Variants in ARHGAP26 observed in about 807,000 individuals in gnomAD.
The protein encoded by ARHGAP26 is Rho GTPase activating protein 26.
In ARHGAP26, 38 loss-of-function variants were observed where a neutral mutation model predicts 104.8. That is an observed-to-expected ratio of 0.36 (90% CI 0.28 to 0.48). ARHGAP26 has a LOEUF of 0.48. Among genes scored for constraint, ARHGAP26 ranks in the 20% least tolerant of loss-of-function variants. The pLI is 0.99. For missense variants in ARHGAP26, 704 were observed against 947.9 expected (o/e 0.74, Z 3.38); for synonymous variants, 341 against 340.0 (o/e 1.00, Z -0.03).
chr5:142,886,720 AT>A (rs1330014923), intron 5 of ARHGAP26, among the ~76,000 whole-genome samples: 2 of 152,232 alleles, frequency 1.3e-5, no homozygotes, highest in East Asian at 1.9e-4. Context: ...AACCTAAAAA[AT>A]AAAAAAAAAA....
At chr5:142,804,515 C>T (rs187326513) in intron 1 of ARHGAP26, among the ~76,000 whole-genome samples, 198 of 151,944 alleles carry the variant, frequency 1.3e-3, no homozygotes, top group African/African-American at 3.7e-3. Context: ...TTTTTGAGAC[C>T]GAGTCTCACT....
chr5:143,036,741 C>G (rs1382236757), intron 12 of ARHGAP26, among the ~76,000 whole-genome samples: 1 of 152,126 alleles, frequency 6.6e-6, no homozygotes, highest in African/African-American at 2.4e-5. Flanking sequence ...TAATGTCAAC[C>G]TGGAGGACTT....
At chr5:143,037,342 C>T in intron 13 of ARHGAP26, 81 bp downstream of exon 13, 1 of 1,259,964 alleles carries the variant, frequency 7.9e-7, no homozygotes, top group Non-Finnish European at 1.1e-6. Context: ...CCTGCTGTTT[C>T]CTGACTTTAA....
intron 17 of ARHGAP26, among the ~76,000 whole-genome samples, chr5:143,106,565 C>T (rs1455841404): frequency 3.3e-5 from 5 of 151,150 alleles, no homozygotes; most frequent in East Asian, 1.9e-4. Context: ...CTCCGCCTCC[C>T]GGGTTCAGGC....
chr5:143,053,758 C>A (rs1435809420), intron 14 of ARHGAP26, among the ~76,000 whole-genome samples: 1 of 152,204 alleles, frequency 6.6e-6, no homozygotes, highest in African/African-American at 2.4e-5. Context: ...TAAAATCATA[C>A]CACAGTCCAC....
chr5:142,806,733 A>G (rs1157192001), intron 1 of ARHGAP26, among the ~76,000 whole-genome samples: 2 of 152,232 alleles, frequency 1.3e-5, no homozygotes, highest in Admixed American at 1.3e-4. Context: ...CTACTTAGAC[A>G]TCTAACTCTG....
At chr5:143,153,855 A>G (rs1800141546) in intron 20 of ARHGAP26, among the ~76,000 whole-genome samples, 1 of 152,236 alleles carries the variant, frequency 6.6e-6, no homozygotes, top group South Asian at 2.1e-4. Flanking sequence ...AAACGCCTGC[A>G]GATTCTGCCA....
At chr5:143,214,393 A>G (rs1488145907) in intron 22 of ARHGAP26, among the ~76,000 whole-genome samples, 1 of 152,228 alleles carries the variant, frequency 6.6e-6, no homozygotes. Flanking sequence ...AGTGGCTTTA[A>G]GAGATCATAC....
chr5:143,002,298 A>T (rs1777289125), intron 11 of ARHGAP26, among the ~76,000 whole-genome samples: 1 of 150,040 alleles, frequency 6.7e-6, no homozygotes, highest in South Asian at 2.1e-4. Flanking sequence ...GGAATTTCTC[A>T]TATGCAGTTT....
At chr5:143,014,037 G>T (rs1200126915) in intron 11 of ARHGAP26, 43 bp from the exon 12 acceptor site, 12 of 1,590,390 alleles carry the variant, frequency 7.5e-6, no homozygotes, top group African/African-American at 1.3e-5. Context: ...CCTATAGGGT[G>T]GCATAAAATG....
At chr5:143,037,065 A>G in intron 12 of ARHGAP26, 131 bp from the exon 13 acceptor site, 2 of 493,452 alleles carry the variant, frequency 4.1e-6, no homozygotes, top group Admixed American at 6.5e-5. Context: ...TTATTCCTGT[A>G]CTGTTATTGG....
chr5:142,812,085 C>G (rs531976051), intron 1 of ARHGAP26, among the ~76,000 whole-genome samples: 1 of 152,164 alleles, frequency 6.6e-6, no homozygotes, highest in African/African-American at 2.4e-5. Context: ...TGAAAGGCTC[C>G]CCCTCCCCAC....
intron 1 of ARHGAP26, among the ~76,000 whole-genome samples, chr5:142,843,677 T>C (rs1034845793): frequency 2.6e-5 from 4 of 152,242 alleles, no homozygotes; most frequent in Admixed American, 1.3e-4. Flanking sequence ...GTATGAGTTG[T>C]ATGAAGACAT....
At chr5:142,965,411 C>T (rs531213288) in intron 11 of ARHGAP26, among the ~76,000 whole-genome samples, 31 of 152,282 alleles carry the variant, frequency 2.0e-4, no homozygotes, top group East Asian at 1.2e-3. Context: ...CGCTAGACCA[C>T]GGTCCACCTG....
At chr5:143,210,668 A>G (rs3776221) in intron 21 of ARHGAP26, among the ~76,000 whole-genome samples, 47,770 of 152,054 alleles carry the variant, frequency 0.31, 7,736 homozygotes, top group East Asian at 0.45. Context: ...TGCCTAAATG[A>G]TCAACCCCTT....
At chr5:143,109,632 GT>G (rs1478409829) in intron 17 of ARHGAP26, among the ~76,000 whole-genome samples, 2 of 151,966 alleles carry the variant, frequency 1.3e-5, no homozygotes, top group Non-Finnish European at 2.9e-5. Context: ...TAGAGATGGG[GT>G]TTTGCCATGT....
chr5:142,963,200 G>A (rs11745299), intron 11 of ARHGAP26, among the ~76,000 whole-genome samples: 9,178 of 90,194 alleles, frequency 0.1, 459 homozygotes, highest in Non-Finnish European at 0.14. Flanking sequence ...ATATATATAT[G>A]TGTGTGTGTG....
At chr5:142,917,647 AG>A (rs915854328) in intron 10 of ARHGAP26, among the ~76,000 whole-genome samples, 1 of 152,204 alleles carries the variant, frequency 6.6e-6, no homozygotes, top group Non-Finnish European at 1.5e-5. Context: ...GGCACTGAAT[AG>A]GTGTTCCATG....
intron 1 of ARHGAP26, among the ~76,000 whole-genome samples, chr5:142,823,423 C>G (rs890162385): frequency 2.6e-5 from 4 of 152,052 alleles, no homozygotes; most frequent in African/African-American, 9.7e-5. Context: ...TTCTTCCCTG[C>G]AGAAATAAAG....
Sources: allele counts gnomAD v4.1 joint callset (sites outside exome capture counted in the v4.1 genomes callset), GRCh38; gene constraint gnomAD v4.1.1; transcripts MANE v1.5; gene names NCBI Gene and HGNC (gene_info 2026-07-23, HGNC 2026-07-21).